ESYT3: variants seen among roughly 807,000 people sequenced by gnomAD.
The protein encoded by ESYT3 is extended synaptotagmin 3, also known as extended synaptotagmin-3.
Under a neutral mutation model 111.5 loss-of-function variants are expected in ESYT3, and 101 were observed. The observed-to-expected ratio is 0.91, with a 90% CI of 0.77 to 1.07. The LOEUF (loss-of-function observed/expected upper bound fraction) is 1.07. Ranked by LOEUF, ESYT3 falls within the 50% of genes least tolerant of loss-of-function variation. The probability of loss-of-function intolerance (pLI) is 0.00; values close to 1 mark genes in which losing one functional copy is unlikely to be tolerated. For missense variants in ESYT3, 1,097 were observed against 1,109.4 expected (o/e 0.99, Z 0.16); for synonymous variants, 416 against 446.8 (o/e 0.93, Z 0.87).
intron 22 of ESYT3, 105 bp downstream of exon 22, chr3:138,476,597 G>A: frequency 8.4e-7 from 1 of 1,186,760 alleles, no homozygotes; most frequent in South Asian, 1.3e-5. Context: ...GGAGGGAGAT[G>A]AACACCTTTA....
intron 20 of ESYT3, among the ~76,000 whole-genome samples, chr3:138,474,834 G>T (rs2033410450): frequency 6.6e-6 from 1 of 152,132 alleles, no homozygotes; most frequent in Non-Finnish European, 1.5e-5. Context: ...ATGTCCTTGG[G>T]GACAAGGGTG....
rs146916723 is a variant in ESYT3 at position 138,469,494 on chromosome 3, A to G, written c.1493A>G (p.His498Arg). The part of the protein sequence containing the change: ...YVKLSVGKKT[H>R]TSKTCPHNKD... ...AAACTATCTGTAGGCAAGAAGACAC[A>G]TACAAGTAAGGTAAGACAGCTTGGT... The change falls in exon 15 of 23, where the codon CAT (histidine) becomes CGT (arginine). Residue 498 changes from histidine (H) to arginine (R), a missense_variant. Transcript: ENST00000389567. The G allele has an allele frequency of 7.5e-4, 1,212 of 1,614,024 alleles. 6 individuals are homozygous for G. In the African/African-American group the frequency reaches 0.015, roughly 20 times the overall value.
chr3:138,468,801 G>A lies in ESYT3; in HGVS notation c.1372-18G>A, dbSNP rs1204787721. 5.0e-6 allele frequency: 8 copies of A among 1,613,996 alleles called. No individual in the cohort carries two copies. The highest frequency in any genetic ancestry group is 2.7e-5 in the African/African-American group (2 of 74,902). ...AATTGTCCTGTGTTGCTTTAACCCCGTTATTCCTGTGCTGCAGAGAAACCC... is the reference window on the plus strand; with the variant it reads ...AATTGTCCTGTGTTGCTTTAACCCCATTATTCCTGTGCTGCAGAGAAACCC... On this transcript the variant is annotated intron_variant, in intron 13 of 22. Coordinates refer to ENST00000389567, the MANE Select transcript of ESYT3 (RefSeq NM_031913.5).
rs2031969063 is a variant in ESYT3, at chr3:138,452,038, T to G, written c.328-10T>G. 1.2e-6 allele frequency: 2 copies of G among 1,613,646 alleles called. No homozygotes were observed. Among genetic ancestry groups the G allele is most frequent in the Non-Finnish European group, 1.7e-6 (2 of 1,179,882 alleles). On this transcript the variant is annotated splice_polypyrimidine_tract_variant and intron_variant, in intron 1 of 22. Transcript: ENST00000389567. ...TCTAGTCTAACTTCCCCTCGGGGCTTCTTTCCTAGATCCACTTCCCGGACG... is the reference window on the plus strand; with the variant it reads ...TCTAGTCTAACTTCCCCTCGGGGCTGCTTTCCTAGATCCACTTCCCGGACG...
chr3:138,457,060 C>T (rs541986542), intron 3 of ESYT3, among the ~76,000 whole-genome samples: 13 of 152,298 alleles, frequency 8.5e-5, no homozygotes, highest in Admixed American at 4.6e-4. Context: ...ACTCCTCACA[C>T]GACCCTCCTG....
intron 3 of ESYT3, among the ~76,000 whole-genome samples, chr3:138,456,296 C>T (rs941014782): frequency 3.3e-5 from 5 of 152,230 alleles, no homozygotes; most frequent in Non-Finnish European, 7.3e-5. Context: ...AGGAACACAT[C>T]AACTGGTGGA....
chr3:138,458,668 G>A (rs1349589048), intron 4 of ESYT3, among the ~76,000 whole-genome samples: 1 of 152,230 alleles, frequency 6.6e-6, no homozygotes, highest in Non-Finnish European at 1.5e-5. Context: ...GAGAGCCACT[G>A]GGTGGACTTG....
chr3:138,471,261 C>T (rs536321703), intron 17 of ESYT3, among the ~76,000 whole-genome samples: 2 of 152,200 alleles, frequency 1.3e-5, no homozygotes, highest in Non-Finnish European at 2.9e-5. Context: ...CTAGAATTTT[C>T]TATAATGTAC....
intron 6 of ESYT3, 22 bp from the exon 7 acceptor site, chr3:138,460,589 T>C (rs1396253880): frequency 1.2e-6 from 2 of 1,613,736 alleles, no homozygotes; most frequent in Non-Finnish European, 1.7e-6. Context: ...TCCAGCCTAA[T>C]AGCTTCCCTC....
rs538111095 is a variant in ESYT3 at position 138,457,794 on chromosome 3, C to G, written c.581+150C>G. On this transcript the variant is annotated intron_variant, in intron 4 of 22. Transcript: ENST00000389567. Reference sequence around the variant, plus strand: ...CCCTCCTCCCAGCTTCTCCCATCCCCTGGCATACTCTGGGTTCCAAGGCCC... The same window carrying G: ...CCCTCCTCCCAGCTTCTCCCATCCCGTGGCATACTCTGGGTTCCAAGGCCC... The G allele has an allele frequency of 1.1e-5, 8 of 754,068 alleles. 1 individual carries two copies. The highest frequency in any genetic ancestry group is 6.9e-5 in the African/African-American group (4 of 58,166). The allele number at this position is 754,068 out of a possible 1,614,324, so 46.7% of individuals were successfully genotyped here.
chr3:138,463,408 A>G (rs1424840205), intron 8 of ESYT3, among the ~76,000 whole-genome samples: 1 of 152,162 alleles, frequency 6.6e-6, no homozygotes, highest in African/African-American at 2.4e-5. Context: ...GTGTGCTTTT[A>G]ACACTGAGTA....
intron 3 of ESYT3, among the ~76,000 whole-genome samples, chr3:138,456,651 T>G (rs1443054322): frequency 6.6e-6 from 1 of 152,134 alleles, no homozygotes; most frequent in East Asian, 1.9e-4. Context: ...ACAAACCCTG[T>G]GTGAACTGCG....
intron 7 of ESYT3, 100 bp from the exon 8 acceptor site, chr3:138,461,986 C>T (rs1398810085): frequency 6.4e-7 from 1 of 1,568,874 alleles, no homozygotes; most frequent in Non-Finnish European, 8.7e-7. Flanking sequence ...TGGGGCCCAC[C>T]CTACCAATCT....
intron 20 of ESYT3, among the ~76,000 whole-genome samples, chr3:138,475,494 T>C (rs1429754617): frequency 6.6e-6 from 1 of 152,060 alleles, no homozygotes; most frequent in Non-Finnish European, 1.5e-5. Flanking sequence ...CCATAGGAGG[T>C]GGCCACTGTT....
Position 138,462,154 on chromosome 3 carries a change from T to A in ESYT3, c.863T>A (p.Val288Glu), listed in dbSNP as rs2032678730. Reference sequence around the variant, plus strand: ...CTGGTGCTGCCCAACCGTGTGACTGTGCCTGTGAAGAAGGGGCTGGATCTG... The same window carrying A: ...CTGGTGCTGCCCAACCGTGTGACTGAGCCTGTGAAGAAGGGGCTGGATCTG... ...THLVLPNRVTVPVKKGLDLTN... is the reference protein window; with the variant it reads ...THLVLPNRVTEPVKKGLDLTN... The change falls in exon 8 of 23, where the codon GTG (valine) becomes GAG (glutamate). Residue 288 changes from valine to glutamate, a missense_variant. Coordinates refer to ENST00000389567, the MANE Select transcript of ESYT3 (RefSeq NM_031913.5). 6.2e-7 allele frequency: 1 copy of A among 1,614,058 alleles called. No homozygotes were observed. Among genetic ancestry groups the A allele is most frequent in the Non-Finnish European group, 8.5e-7 (1 of 1,180,034 alleles).
chr3:138,457,776 C>A, intron 4 of ESYT3, 132 bp downstream of exon 4: 1 of 806,312 alleles, frequency 1.2e-6, no homozygotes, highest in Admixed American at 2.0e-5. Flanking sequence ...CTCCCCTCCT[C>A]CCAGCTTCTC....
At chr3:138,439,318 T>C (rs1279109766) in intron 1 of ESYT3, among the ~76,000 whole-genome samples, 1 of 152,006 alleles carries the variant, frequency 6.6e-6, no homozygotes, top group Non-Finnish European at 1.5e-5. Context: ...TGTCAAGGGG[T>C]GGAGCGAGTG....
At chr3:138,473,027 G>C (rs942168760) in intron 18 of ESYT3, 168 bp downstream of exon 18, 2 of 1,461,620 alleles carry the variant, frequency 1.4e-6, no homozygotes, top group Non-Finnish European at 1.8e-6. Flanking sequence ...AAGGGAGAGA[G>C]AGCCAAACAG....
rs1055027459 is a variant in ESYT3 at position 138,440,893 on chromosome 3, C to T, written c.327+5768C>T. On this transcript the variant is annotated intron_variant, in intron 1 of 22. Transcript: ENST00000389567. The surrounding 1 kb of genome is among the most constrained non-coding windows in gnomAD (Gnocchi z 4.2). The stretch of plus-strand genomic sequence containing the variant: ...AGTGTGTCAGGCACAGAGCTGCAGG[C>T]GGGGCAGCATGAGTACACATGGCCC... Among the ~76,000 whole-genome samples, 3 of 152,220 alleles carry T rather than the reference C, an allele frequency of 2.0e-5. No individual in the cohort carries two copies. The highest frequency in any genetic ancestry group is 1.3e-4 in the Admixed American group (2 of 15,286).
Sources: gnomAD v4.1 joint callset for allele counts (sites outside exome capture counted in the v4.1 genomes callset) on GRCh38, gnomAD v4.1.1 for gene constraint, Gnocchi (gnomAD v3.1) non-coding constraint, MANE v1.5 for transcripts, NCBI Gene and HGNC (gene_info 2026-07-23, HGNC 2026-07-21) for gene names.